NUTM1: variants seen among roughly 807,000 people sequenced by gnomAD.
NUTM1 encodes the protein NUT family member 1.
A neutral mutation model predicts 88.7 loss-of-function variants in NUTM1; 39 were observed. The observed-to-expected ratio is 0.44, with a 90% confidence interval of 0.34 to 0.57. The LOEUF is 0.57. NUTM1 is among the 20% of genes least tolerant of loss of function. NUTM1 has a pLI of 0.01. For missense variants in NUTM1, 1,350 were observed against 1,414.5 expected (o/e 0.95, Z 0.73); for synonymous variants, 494 against 538.0 (o/e 0.92, Z 1.13).
chr15:34,347,809 T>C (rs939835401), intron 2 of NUTM1, among the ~76,000 whole-genome samples, 160 bp from the exon 3 acceptor site: 13 of 151,868 alleles, frequency 8.6e-5, no homozygotes, highest in African/African-American at 2.7e-4. Flanking sequence ...GCCGAGATTG[T>C]GCCACTGCAC....
rs430083 is a variant in NUTM1 at position 34,348,177 on chromosome 15, T to C, written c.309T>C (p.Asp103=). ...CCAGCTCACTGTTGGTGACAGGGGA[T>C]GGGGGCCCTTGCCTCAGTGGGGCTG... ...AFPSSLLVTG[D]GGPCLSGAGA... Residue 103 remains aspartate, a synonymous_variant, in exon 3 of 8, where the codon GAT becomes GAC. Coordinates refer to ENST00000537011, the MANE Select transcript of NUTM1 (RefSeq NM_001284292.2). 1,599,621 of 1,614,142 alleles carry C rather than the reference T, an allele frequency of 0.99. 793,660 individuals carry two copies. The highest frequency in any genetic ancestry group is 1 in the East Asian group (44,862 of 44,864).
At chr15:34,347,112 T>C (rs1890606933) in intron 2 of NUTM1, among the ~76,000 whole-genome samples, 2 of 151,790 alleles carry the variant, frequency 1.3e-5, no homozygotes, top group Admixed American at 1.3e-4. Flanking sequence ...GTGCTTTGAG[T>C]CTTCGGGTCT....
At chr15:34,344,888 G>A (rs1890558635) in intron 1 of NUTM1, among the ~76,000 whole-genome samples, 2 of 152,056 alleles carry the variant, frequency 1.3e-5, no homozygotes, top group Admixed American at 1.3e-4. Flanking sequence ...CATGGTGGTG[G>A]GTGCCTGTAG....
rs1482592413 is a variant in NUTM1 at position 34,356,003 on chromosome 15, T to C, written c.1995T>C (p.Asp665=). Residue 665 remains aspartate (D), a synonymous_variant, in exon 8 of 8, where the codon GAT becomes GAC. Transcript: ENST00000537011. ...AGCCTGAGAGCACTCCCAGTTTGGA[T>C]GCTGGACTTGCAGAGCTGGCTCCTC... ...GFQPESTPSL[D]AGLAELAPLQ... is the part of the protein sequence containing the mutation. 6.2e-7 allele frequency: 1 copy of C among 1,614,094 alleles called. No individual in the cohort carries two copies. Among genetic ancestry groups the C allele is most frequent in the East Asian group, 2.2e-5 (1 of 44,866 alleles).
At chr15:34,350,681 G>T (rs368044263) in intron 3 of NUTM1, 23 bp from the exon 4 acceptor site, 13 of 1,607,552 alleles carry the variant, frequency 8.1e-6, no homozygotes, top group Non-Finnish European at 1.1e-5. Context: ...TTTAGAATGT[G>T]ACTGACTCAA....
In NUTM1 at chr15:34,357,676, A is replaced by G; in HGVS notation, c.*185A>G. On this transcript the variant is annotated 3_prime_UTR_variant, in exon 8 of 8. Coordinates refer to ENST00000537011, the MANE Select transcript of NUTM1 (RefSeq NM_001284292.2). ...TCAGACTGGCTAGGCTGCAGGGGGAATTACCTTTGGAAGGAGCTATATAGA... is the reference window on the plus strand; with the variant it reads ...TCAGACTGGCTAGGCTGCAGGGGGAGTTACCTTTGGAAGGAGCTATATAGA... 1 of 1,097,020 alleles carries G rather than the reference A, an allele frequency of 9.1e-7. No homozygotes were observed. Among genetic ancestry groups the G allele is most frequent in the Non-Finnish European group, 1.4e-6 (1 of 729,092 alleles). 68.0% of individuals were successfully genotyped at this position (1,097,020 alleles called of 1,614,324 possible). A position where few individuals can be genotyped will look rare whatever the true frequency, so the allele number is the denominator to read the frequency against.
rs1329851872 is a variant in NUTM1 at position 34,343,493 on chromosome 15, GAA to G, written c.-203_-202del. 1.5e-5 allele frequency: 18 copies of G among 1,209,226 alleles called. No individual in the cohort carries two copies. The East Asian group carries it at 4.1e-4, about 28-fold the overall frequency. The allele number at this position is 1,209,226 out of a possible 1,614,324, so 74.9% of individuals were successfully genotyped here. A position where few individuals can be genotyped will look rare whatever the true frequency, so the allele number is the denominator to read the frequency against. ...GAGCCCCTTTACCCTAGGGAAGAAA[GAA>G]GAGGTTTTCTTCCCTCCCCTCTTTT... On this transcript the variant is annotated 5_prime_UTR_variant, in exon 1 of 8. Transcript: ENST00000537011.
chr15:34,356,488 A>C lies in NUTM1; in HGVS notation c.2480A>C (p.Lys827Thr), dbSNP rs772889611. ...ACAGTTGCGGCAGCTGCCCTAGAAA[A>C]GAGAAACTATTGCAGCTTGCCAGGA... ...GGTVAAAALE[K>T]RNYCSLPGPL... Residue 827 changes from lysine to threonine, a missense_variant, in exon 8 of 8, where the codon AAG becomes ACG. Physicochemically the swap from Lys to Thr is moderately conservative, Grantham distance 78. Around this residue, in one of 5 missense-constraint regions of NUTM1, gnomAD observed 730 missense variants for 728.8 expected, o/e 1.00. Coordinates refer to ENST00000537011, the MANE Select transcript of NUTM1 (RefSeq NM_001284292.2). 1 of 1,613,922 alleles carries C rather than the reference A, an allele frequency of 6.2e-7. No homozygotes were observed. Among genetic ancestry groups the C allele is most frequent in the East Asian group, 2.2e-5 (1 of 44,852 alleles).
At chr15:34,354,241 C>T (rs894754666) in intron 5 of NUTM1, among the ~76,000 whole-genome samples, 6 of 152,192 alleles carry the variant, frequency 3.9e-5, no homozygotes, top group South Asian at 2.1e-4. Flanking sequence ...CCATGGCTGG[C>T]GCTTTTTCAG....
chr15:34,350,894 G>A lies in NUTM1; in HGVS notation c.938+62G>A, dbSNP rs149881810. 1,726 of 1,596,108 alleles carry A rather than the reference G, an allele frequency of 1.1e-3. 20 individuals are homozygous for A. In the African/African-American group the frequency reaches 0.02, roughly 19 times the overall value. On this transcript the variant is annotated intron_variant, in intron 4 of 7. Transcript: ENST00000537011. The stretch of plus-strand genomic sequence containing the variant: ...TGTGTGGCTGAGAGCAGTAAGGGCC[G>A]CAGAGAGACTTGTGTGGGGGTGATT...
chr15:34,347,780 G>A (rs1890623512), intron 2 of NUTM1, among the ~76,000 whole-genome samples, 189 bp from the exon 3 acceptor site: 1 of 152,060 alleles, frequency 6.6e-6, no homozygotes, highest in African/African-American at 2.4e-5. Context: ...ATGAACCTAG[G>A]AGGCGGAGAT....
intron 2 of NUTM1, among the ~76,000 whole-genome samples, chr15:34,346,728 C>T (rs1196646424): frequency 6.9e-6 from 1 of 143,988 alleles, no homozygotes; most frequent in Non-Finnish European, 1.5e-5. Context: ...CCTAAAAATA[C>T]AAAAATTAGC....
chr15:34,355,872 T>G lies in NUTM1; in HGVS notation c.1864T>G (p.Ser622Ala), dbSNP rs1437970158. 6.2e-7 allele frequency: 1 copy of G among 1,613,784 alleles called. No homozygotes were observed. The highest frequency in any genetic ancestry group is 1.7e-5 in the Admixed American group (1 of 60,000). The change falls in exon 8 of 8, where the codon TCT (serine) becomes GCT (alanine). Residue 622 changes from serine (S) to alanine (A), a missense_variant. Ser to Ala is a moderately conservative substitution (Grantham distance 99). Transcript: ENST00000537011. This position sits in a 1 kb window ranked among gnomAD's most constrained non-coding sequence, Gnocchi z 4.3. ...RGSGKVINQV[S>A]LHQDGHLGGA... ...GTCTGGGAAGGTTATAAACCAGGTA[T>G]CTCTACATCAGGATGGCCATCTAGG... is the stretch of plus-strand genomic sequence containing the variant.
intron 3 of NUTM1, among the ~76,000 whole-genome samples, chr15:34,349,499 G>T (rs930135032): frequency 2.6e-5 from 4 of 152,186 alleles, no homozygotes; most frequent in African/African-American, 9.7e-5. Flanking sequence ...TTAAGAGCGA[G>T]TGTGTGTTTA....
intron 2 of NUTM1, 86 bp from the exon 3 acceptor site, chr15:34,347,878 AAAAAT>A: frequency 1.6e-6 from 1 of 633,014 alleles, no homozygotes. Flanking sequence ...AAATAAAAAT[AAAAAT>A]AAAAATAAAA....
chr15:34,349,779 G>A (rs952286567), intron 3 of NUTM1, among the ~76,000 whole-genome samples: 3 of 152,258 alleles, frequency 2.0e-5, no homozygotes, highest in Admixed American at 2.0e-4. Context: ...AGTCCTAGAT[G>A]TACAGCGTCT....
intron 2 of NUTM1, among the ~76,000 whole-genome samples, chr15:34,347,204 G>A (rs1034087257): frequency 2.6e-5 from 4 of 151,858 alleles, no homozygotes; most frequent in African/African-American, 7.3e-5. Flanking sequence ...GATCACTTGA[G>A]GCCAGGAGTC....
Position 34,357,094 on chromosome 15 carries a change from A to G in NUTM1, c.3086A>G (p.Lys1029Arg). Reference protein sequence around the residue: ...SKTHRSADRAKGKEKKKKEAE... With the variant: ...SKTHRSADRARGKEKKKKEAE... ...ACACACAGGTCAGCAGACAGGGCCAAAGGAAAGGAGAAAAAGAAAAAGGAA... is the reference window on the plus strand; with the variant it reads ...ACACACAGGTCAGCAGACAGGGCCAGAGGAAAGGAGAAAAAGAAAAAGGAA... The change falls in exon 8 of 8, where the codon AAA (lysine) becomes AGA (arginine). Residue 1029 changes from lysine to arginine, a missense_variant. Coordinates refer to ENST00000537011, the MANE Select transcript of NUTM1 (RefSeq NM_001284292.2). 1 of 1,614,112 alleles carries G rather than the reference A, an allele frequency of 6.2e-7. No homozygotes were observed. The highest frequency in any genetic ancestry group is 1.7e-5 in the Admixed American group (1 of 60,010).
Position 34,355,243 on chromosome 15 carries a change from T to C in NUTM1, c.1479+106T>C, listed in dbSNP as rs1427087093. 4 of 849,058 alleles carry C rather than the reference T, an allele frequency of 4.7e-6. No homozygotes were observed. The African/African-American group carries it at 6.7e-5, about 14-fold the overall frequency. 52.6% of individuals were successfully genotyped at this position (849,058 alleles called of 1,614,324 possible). ...CTCTAGAGATGAACAGCTTCAGGATTGGGCTTCAGGTGCAGAACGAGTAGG... is the reference window on the plus strand; with the variant it reads ...CTCTAGAGATGAACAGCTTCAGGATCGGGCTTCAGGTGCAGAACGAGTAGG... On this transcript the variant is annotated intron_variant, in intron 7 of 7. Coordinates refer to ENST00000537011, the MANE Select transcript of NUTM1 (RefSeq NM_001284292.2). The surrounding 1 kb of genome is among the most constrained non-coding windows in gnomAD (Gnocchi z 4.3).
Sources: gnomAD v4.1 joint callset for allele counts (sites outside exome capture counted in the v4.1 genomes callset) on GRCh38, gnomAD v4.1.1 for gene constraint, gnomAD v4.1.1 regional missense constraint, Gnocchi (gnomAD v3.1) non-coding constraint, MANE v1.5 for transcripts, NCBI Gene and HGNC (gene_info 2026-07-23, HGNC 2026-07-21) for gene names.